PRSS27: variants seen among roughly 807,000 people sequenced by gnomAD.
PRSS27 encodes the protein channel-activating protease 2.
In PRSS27, 25 loss-of-function variants were observed where a neutral mutation model predicts 32.0. That is an observed-to-expected ratio of 0.78 (90% CI 0.57 to 1.09). The LOEUF (loss-of-function observed/expected upper bound fraction) is 1.09, where lower values mean the gene tolerates loss of function less well. Among genes scored for constraint, PRSS27 ranks in the 50% least tolerant of loss-of-function variants. The probability of loss-of-function intolerance (pLI) is 0.00; values close to 1 mark genes in which losing one functional copy is unlikely to be tolerated. For synonymous variants in PRSS27, 178 were observed against 172.2 expected (o/e 1.03, Z -0.26); for missense variants, 401 against 394.9 (o/e 1.02, Z -0.13).
chr16:2,712,954 G>T lies in PRSS27; in HGVS notation c.679-140C>A. 2 of 661,028 alleles carry T rather than the reference G, an allele frequency of 3.0e-6. No individual in the cohort carries two copies. Among genetic ancestry groups the T allele is most frequent in the Non-Finnish European group, 5.0e-6 (2 of 399,100 alleles). 40.9% of individuals were successfully genotyped at this position (661,028 alleles called of 1,614,324 possible). A position where few individuals can be genotyped will look rare whatever the true frequency, so the allele number is the denominator to read the frequency against. ...CTCTCTGCCCGGCTCCCCATCCCCT[G>T]CCAGTCCGATTGTCTAAAGTGCCTA... is the stretch of plus-strand genomic sequence containing the variant. On this transcript the variant is annotated intron_variant, in intron 5 of 5. Coordinates refer to ENST00000302641, the MANE Select transcript of PRSS27 (RefSeq NM_031948.5). This position sits in a 1 kb window ranked among gnomAD's most constrained non-coding sequence, Gnocchi z 4.6.
intron 5 of PRSS27, chr16:2,713,182 T>C: frequency 2.2e-6 from 1 of 457,850 alleles, no homozygotes; most frequent in Admixed American, 3.4e-5. Context: ...CACTGCAAGC[T>C]CCGCCTCCCA....
At chr16:2,718,790 A>C (rs1333853411) in intron 1 of PRSS27, among the ~76,000 whole-genome samples, 1 of 152,190 alleles carries the variant, frequency 6.6e-6, no homozygotes, top group Non-Finnish European at 1.5e-5. Context: ...GTCTTATCTT[A>C]GCCCAGGAGC....
rs1031783698 is a variant in PRSS27 at position 2,712,627 on chromosome 16, T to C, written c.866A>G (p.Gln289Arg). The C allele has an allele frequency of 1.3e-6, 2 of 1,582,454 alleles. No homozygotes were observed. Among genetic ancestry groups the C allele is most frequent in the East Asian group, 4.6e-5 (2 of 43,202 alleles). Residue 289 changes from glutamine (Q) to arginine (R), a missense_variant, in exon 6 of 6, where the codon CAG becomes CGG. Gln to Arg is a conservative substitution (Grantham distance 43). Transcript: ENST00000302641. This position sits in a 1 kb window ranked among gnomAD's most constrained non-coding sequence, Gnocchi z 4.6. Reference sequence around the variant, plus strand: ...CTCCTGGCCCCGGGGGTCTCACTTCTGGCCGCCCAACCTCGCTGGCTGGAA... The same window carrying C: ...CTCCTGGCCCCGGGGGTCTCACTTCCGGCCGCCCAACCTCGCTGGCTGGAA... The part of the protein sequence containing the change: ...LQFQPARLGG[Q>R]K
At chr16:2,715,355 C>A (rs2067694372) in intron 3 of PRSS27, 2 of 210,622 alleles carry the variant, frequency 9.5e-6, no homozygotes, top group Non-Finnish European at 1.9e-5. Flanking sequence ...GAGTTCCTCC[C>A]GGGAAGAGTG....
At position 2,713,601 on chromosome 16, in the gene PRSS27, G is replaced by A. The variant is rs1267763146; in HGVS notation, c.606C>T (p.Gly202=). ...CATTCTTGATGGTTTTGGGTTGGTA[G>A]CCAAACTCGGTGTCTTTGCTGTAGA... ...NLLYSKDTEF[G]YQPKTIKNDM... The change falls in exon 5 of 6, where the codon GGC becomes GGT. Residue 202 remains glycine (G), a synonymous_variant. Coordinates refer to ENST00000302641, the MANE Select transcript of PRSS27 (RefSeq NM_031948.5). The A allele has an allele frequency of 1.9e-6, 3 of 1,614,216 alleles. No individual in the cohort carries two copies. In the African/African-American group the frequency reaches 4.0e-5, roughly 22 times the overall value.
chr16:2,712,784 C>T lies in PRSS27; in HGVS notation c.709G>A (p.Val237Met), dbSNP rs141391282. The T allele has an allele frequency of 2.0e-4, 322 of 1,582,952 alleles. No homozygotes were observed. The highest frequency in any genetic ancestry group is 3.9e-4 in the Admixed American group (22 of 56,796). Residue 237 changes from valine (V) to methionine (M), a missense_variant, in exon 6 of 6, where the codon GTG (valine) becomes ATG (methionine). Coordinates refer to ENST00000302641, the MANE Select transcript of PRSS27 (RefSeq NM_031948.5). This position sits in a 1 kb window ranked among gnomAD's most constrained non-coding sequence, Gnocchi z 4.6. ...GDSGGPLVCL[V>M]GQSWLQAGVI... ...CCCGCCTGCAGCCACGACTGACCCA[C>T]GAGGCACACCAGGGGGCCGCCCGAG...
chr16:2,714,505 T>TGAAGCCAGACCGCCCGACTCA lies in PRSS27; in HGVS notation c.237-190_237-170dup, dbSNP rs2067689009. ...GTGCAGCGGTGATGCGTGTTGACAT[T>TGAAGCCAGACCGCCCGACTCA]GAAGCCAGACCGCCCGACTCAGATT... On this transcript the variant is annotated intron_variant, in intron 3 of 5. Transcript: ENST00000302641. This position sits in a 1 kb window ranked among gnomAD's most constrained non-coding sequence, Gnocchi z 4.7. 1 of 745,060 alleles carries TGAAGCCAGACCGCCCGACTCA rather than the reference T, an allele frequency of 1.3e-6. No homozygotes were observed. The highest frequency in any genetic ancestry group is 1.8e-5 in the African/African-American group (1 of 57,100). 46.2% of individuals were successfully genotyped at this position (745,060 alleles called of 1,614,324 possible).
At chr16:2,720,016 C>T (rs1183260762) in intron 1 of PRSS27, 99 bp downstream of exon 1, 2 of 1,151,982 alleles carry the variant, frequency 1.7e-6, no homozygotes, top group Non-Finnish European at 2.5e-6. Flanking sequence ...ACAGCCCCAG[C>T]CTGTCCCAGG....
intron 2 of PRSS27, 24 bp from the exon 3 acceptor site, chr16:2,715,904 G>T: frequency 1.3e-6 from 2 of 1,534,858 alleles, no homozygotes; most frequent in East Asian, 2.4e-5. Flanking sequence ...GGGAGCGGGT[G>T]GGGGCGCTCA....
chr16:2,715,694 G>T (rs540052136), intron 3 of PRSS27, 24 bp downstream of exon 3: 7 of 1,544,656 alleles, frequency 4.5e-6, no homozygotes, highest in Non-Finnish European at 6.1e-6. Context: ...CGCTATGGGC[G>T]GGGGCAGGGG....
At chr16:2,713,752 A>T in intron 4 of PRSS27, 54 bp from the exon 5 acceptor site, 1 of 1,583,840 alleles carries the variant, frequency 6.3e-7, no homozygotes, top group Non-Finnish European at 8.6e-7. Context: ...TCAAGAACCC[A>T]CGGCCCCGGG....
rs2067684411 is a variant in PRSS27 at position 2,714,089 on chromosome 16, C to T, written c.484G>A (p.Gly162Ser). ...CCTTCCTCACTGGGGCTGCCCCAGC[C>T]AGTGACCCAGCAGTTCATGCCCGTC... ...FETGMNCWVTGWGSPSEEDLL... is the reference protein window; with the variant it reads ...FETGMNCWVTSWGSPSEEDLL... Residue 162 changes from glycine to serine, a missense_variant, in exon 4 of 6, where the codon GGC becomes AGC. Coordinates refer to ENST00000302641, the MANE Select transcript of PRSS27 (RefSeq NM_031948.5). This position sits in a 1 kb window ranked among gnomAD's most constrained non-coding sequence, Gnocchi z 4.7. 1.9e-6 allele frequency: 3 copies of T among 1,612,442 alleles called. No homozygotes were observed. Among genetic ancestry groups the T allele is most frequent in the Non-Finnish European group, 2.5e-6 (3 of 1,178,986 alleles).
chr16:2,713,827 G>A (rs781593051), intron 4 of PRSS27, 129 bp from the exon 5 acceptor site: 8 of 1,094,502 alleles, frequency 7.3e-6, no homozygotes, highest in African/African-American at 1.6e-5. Context: ...AGGGCACTGT[G>A]GGGCAGACAT....
At position 2,715,892 on chromosome 16, in the gene PRSS27, TG is replaced by T; in HGVS notation, c.74-13del. ...GGGGCGACCACAGGCTGGGGGAGCA[TG>T]GGGAGCGGGTGGGGGCGCTCACTGG... On this transcript the variant is annotated splice_polypyrimidine_tract_variant and intron_variant, in intron 2 of 5. Transcript: ENST00000302641. The T allele has an allele frequency of 1.3e-6, 2 of 1,552,760 alleles. No individual in the cohort carries two copies. The highest frequency in any genetic ancestry group is 8.7e-7 in the Non-Finnish European group (1 of 1,147,712).
At chr16:2,719,631 T>C (rs1254607945) in intron 1 of PRSS27, among the ~76,000 whole-genome samples, 2 of 152,106 alleles carry the variant, frequency 1.3e-5, no homozygotes, top group African/African-American at 4.8e-5. Flanking sequence ...CCCCCAGCTC[T>C]CTACTGAGCC....
At position 2,712,721 on chromosome 16, in the gene PRSS27, G is replaced by A. The variant is rs908575568; in HGVS notation, c.772C>T (p.Arg258Cys). The part of the protein sequence containing the change: ...SWGEGCARQN[R>C]PGVYIRVTAH... ...GTGACACGGATGTAGACACCTGGGC[G>A]GTTCTGGCGGGCACAGCCCTCACCC... The change falls in exon 6 of 6, where the codon CGC becomes TGC. Residue 258 changes from arginine (R) to cysteine (C), a missense_variant. Arg to Cys is a radical substitution (Grantham distance 180). Transcript: ENST00000302641. The surrounding 1 kb of genome is among the most constrained non-coding windows in gnomAD (Gnocchi z 4.6). 1.3e-5 allele frequency: 20 copies of A among 1,588,954 alleles called. No homozygotes were observed. Among genetic ancestry groups the A allele is most frequent in the Middle Eastern group, 1.7e-4 (1 of 5,854 alleles).
chr16:2,713,725 C>T (rs530844800), intron 4 of PRSS27, 27 bp from the exon 5 acceptor site: 2 of 1,609,852 alleles, frequency 1.2e-6, no homozygotes, highest in East Asian at 4.5e-5. Flanking sequence ...CAGCCCAGGG[C>T]TCAACGGACT....
rs1410912102 is a variant in PRSS27, at chr16:2,717,551, G to A, written c.47-1025C>T. 6.6e-6 allele frequency: 1 copy of A among 152,466 alleles called. No individual in the cohort carries two copies. The highest frequency in any genetic ancestry group is 1.9e-4 in the East Asian group (1 of 5,192). The allele number at this position is 152,466 out of a possible 1,614,324, so 9.4% of individuals were successfully genotyped here. On this transcript the variant is annotated intron_variant, in intron 1 of 5. Transcript: ENST00000302641. The surrounding 1 kb of genome is among the most constrained non-coding windows in gnomAD (Gnocchi z 4.1). ...AAGATTCGCCCGTAGCTGGGGAGGG[G>A]TTAGAACAGCCACCTCCCCACACCT...
In PRSS27 at chr16:2,716,542, G is replaced by C; in HGVS notation, c.47-16C>G. On this transcript the variant is annotated splice_polypyrimidine_tract_variant and intron_variant, in intron 1 of 5. Coordinates refer to ENST00000302641, the MANE Select transcript of PRSS27 (RefSeq NM_031948.5). Reference sequence around the variant, plus strand: ...CTCTGAGACCCTGGAAGTGAGGAGAGGGTGATCAGCCAGGCCAGCTGCAGC... The same window carrying C: ...CTCTGAGACCCTGGAAGTGAGGAGACGGTGATCAGCCAGGCCAGCTGCAGC... The C allele has an allele frequency of 6.3e-7, 1 of 1,596,448 alleles. No individual in the cohort carries two copies. Among genetic ancestry groups the C allele is most frequent in the Non-Finnish European group, 8.5e-7 (1 of 1,175,266 alleles).
Sources: allele counts gnomAD v4.1 joint callset (sites outside exome capture counted in the v4.1 genomes callset), GRCh38; gene constraint gnomAD v4.1.1; non-coding constraint Gnocchi (gnomAD v3.1); transcripts MANE v1.5; gene names NCBI Gene and HGNC (gene_info 2026-07-23, HGNC 2026-07-21).